Variants in TP53TG5 observed in about 807,000 individuals in gnomAD.
TP53TG5 encodes the protein TP53 target 5.
A neutral mutation model predicts 30.0 loss-of-function variants in TP53TG5; 17 were observed. The ratio of observed to expected loss-of-function variants is 0.57; its 90% CI spans 0.39 to 0.85. TP53TG5 has a LOEUF of 0.85. Ranked by LOEUF, TP53TG5 falls within the 40% of genes least tolerant of loss-of-function variation. TP53TG5 has a pLI of 0.00. For synonymous variants in TP53TG5, 137 were observed against 139.2 expected, an observed-to-expected ratio of 0.98 and a Z score of 0.11; for missense variants, 338 against 367.9, an observed-to-expected ratio of 0.92 and a Z score of 0.67.
At position 45,378,305 on chromosome 20, in the gene TP53TG5, A is replaced by C. The variant is rs564948950; in HGVS notation, c.-69T>G. The C allele has an allele frequency of 4.3e-6, 7 of 1,610,072 alleles. No homozygotes were observed. The African/African-American group carries it at 8.0e-5, about 18-fold the overall frequency. ...GCCAGGCACCAACCCTGTTCCTCTC[A>C]GTTCAGCCAGCACTCAGGCTGGGCA... On this transcript the variant is annotated 5_prime_UTR_variant, in exon 1 of 5. Coordinates refer to ENST00000372726, the MANE Select transcript of TP53TG5 (RefSeq NM_014477.3).
At chr20:45,374,447 T>A in intron 4 of TP53TG5, 1 of 571,652 alleles carries the variant, frequency 1.7e-6, no homozygotes, top group South Asian at 2.4e-5. Flanking sequence ...AATTTTTAAA[T>A]TTTTTGTAGA....
chr20:45,377,438 C>A (rs2231614), intron 2 of TP53TG5, 96 bp from the exon 3 acceptor site: 73 of 1,608,338 alleles, frequency 4.5e-5, no homozygotes, highest in Middle Eastern at 1.9e-4. Context: ...AGCCAAGGGC[C>A]GGCCTGCTGG....
chr20:45,373,528 G>C lies in TP53TG5; in HGVS notation c.*379C>G. 1 of 270,928 alleles carries C rather than the reference G, an allele frequency of 3.7e-6. No homozygotes were observed. Among genetic ancestry groups the C allele is most frequent in the South Asian group, 5.9e-5 (1 of 17,038 alleles). The allele number at this position is 270,928 out of a possible 1,614,324, so 16.8% of individuals were successfully genotyped here. The stretch of plus-strand genomic sequence containing the variant: ...TTCCCTTTCTTGGGAAAATGGAATG[G>C]GGAGCAACCAGGAGCCCTTGCTCCT... On this transcript the variant is annotated 3_prime_UTR_variant, in exon 5 of 5. Coordinates refer to ENST00000372726, the MANE Select transcript of TP53TG5 (RefSeq NM_014477.3).
intron 4 of TP53TG5, 144 bp from the exon 5 acceptor site, chr20:45,374,155 G>T: frequency 5.4e-6 from 4 of 734,708 alleles, no homozygotes; most frequent in South Asian, 4.6e-5. Flanking sequence ...CTCCCTTTAA[G>T]CTAGACCCGG....
At chr20:45,374,053 C>A in intron 4 of TP53TG5, 42 bp from the exon 5 acceptor site, 1 of 1,598,908 alleles carries the variant, frequency 6.3e-7, no homozygotes, top group South Asian at 1.1e-5. Flanking sequence ...AGACTGTCCC[C>A]AGGGGGCGCT....
Position 45,375,444 on chromosome 20 carries a change from A to C in TP53TG5, c.363T>G (p.Pro121=). 6.2e-7 allele frequency: 1 copy of C among 1,613,718 alleles called. No individual in the cohort carries two copies. The highest frequency in any genetic ancestry group is 8.5e-7 in the Non-Finnish European group (1 of 1,179,922). Residue 121 remains proline, a synonymous_variant, in exon 4 of 5, where the codon CCT becomes CCG. Transcript: ENST00000372726. ...KSKKLESTGD[P]KKKEYKEWKS... ...TCCACTCCTTGTACTCTTTTTTCTT[A>C]GGGTCCCCTGTGGACTCTAATTTCT... is the stretch of plus-strand genomic sequence containing the variant.
intron 3 of TP53TG5, chr20:45,376,683 G>A (rs563577540): frequency 6.6e-6 from 1 of 151,732 alleles, no homozygotes; most frequent in Non-Finnish European, 1.5e-5. Flanking sequence ...TACTTAGCAG[G>A]CACCAATCAA....
Position 45,373,525 on chromosome 20 carries a change from A to C in TP53TG5, c.*382T>G. 3.8e-6 allele frequency: 1 copy of C among 261,378 alleles called. No individual in the cohort carries two copies. The highest frequency in any genetic ancestry group is 7.5e-6 in the Non-Finnish European group (1 of 133,484). 16.2% of individuals were successfully genotyped at this position (261,378 alleles called of 1,614,324 possible). A position where few individuals can be genotyped will look rare whatever the true frequency, so the allele number is the denominator to read the frequency against. On this transcript the variant is annotated 3_prime_UTR_variant, in exon 5 of 5. Transcript: ENST00000372726. ...CTTTTCCCTTTCTTGGGAAAATGGA[A>C]TGGGGAGCAACCAGGAGCCCTTGCT...
Position 45,375,458 on chromosome 20 carries a change from A to G in TP53TG5, c.349T>C (p.Ser117Pro), listed in dbSNP as rs960085736. 6.2e-7 allele frequency: 1 copy of G among 1,612,856 alleles called. No individual in the cohort carries two copies. Among genetic ancestry groups the G allele is most frequent in the African/African-American group, 1.3e-5 (1 of 74,460 alleles). The change falls in exon 4 of 5, where the codon TCC becomes CCC. Residue 117 changes from serine to proline, a missense_variant. Ser to Pro is a moderately conservative substitution (Grantham distance 74). Transcript: ENST00000372726. Reference sequence around the variant, plus strand: ...TCTTTTTTCTTAGGGTCCCCTGTGGACTCTAATTTCTTGGACTTGAGTTCC... The same window carrying G: ...TCTTTTTTCTTAGGGTCCCCTGTGGGCTCTAATTTCTTGGACTTGAGTTCC... ...EKELKSKKLE[S>P]TGDPKKKEYK...
At chr20:45,374,935 C>T in intron 4 of TP53TG5, 104 bp downstream of exon 4, 1 of 1,474,862 alleles carries the variant, frequency 6.8e-7, no homozygotes, top group South Asian at 1.3e-5. Context: ...CAGCCACACA[C>T]CACTCAAGAC....
rs1165127706 is a variant in TP53TG5 at position 45,375,112 on chromosome 20, A to G, written c.695T>C (p.Leu232Pro). ...APRVMCRSST[L>P]RWVKRRCTRF... ...GGTGCAGCGGCGCTTGACCCAACGC[A>G]GGGTGGAGGATCTGCACATCACCCT... Residue 232 changes from leucine (L) to proline (P), a missense_variant, in exon 4 of 5, where the codon CTG (leucine) becomes CCG (proline). Physicochemically the swap from Leu to Pro is moderately conservative, Grantham distance 98 (BLOSUM62 -3). Coordinates refer to ENST00000372726, the MANE Select transcript of TP53TG5 (RefSeq NM_014477.3). The G allele has an allele frequency of 6.2e-7, 1 of 1,614,012 alleles. No individual in the cohort carries two copies. The highest frequency in any genetic ancestry group is 8.5e-7 in the Non-Finnish European group (1 of 1,180,052).
chr20:45,377,563 T>C lies in TP53TG5; in HGVS notation c.99A>G (p.Val33=). The change falls in exon 2 of 5, where the codon GTA becomes GTG. Residue 33 remains valine (V), a synonymous_variant. Transcript: ENST00000372726. ...CCGTTCTCAGACGGTTCCGCTCAAT[T>C]ACTTTGCTCACAGGCTGCTCTGTCT... ...RDETEQPVSK[V]IERNRLRTVL... The C allele has an allele frequency of 6.2e-7, 1 of 1,614,106 alleles. No individual in the cohort carries two copies. Among genetic ancestry groups the C allele is most frequent in the Non-Finnish European group, 8.5e-7 (1 of 1,180,012 alleles).
At chr20:45,377,059 G>T in intron 3 of TP53TG5, 153 bp downstream of exon 3, 1 of 973,006 alleles carries the variant, frequency 1.0e-6, no homozygotes, top group Non-Finnish European at 1.5e-6. Context: ...CACCTCTTCA[G>T]CCTCAGCTCT....
At position 45,373,152 on chromosome 20, in the gene TP53TG5, T is replaced by C. The variant is rs1259632314; in HGVS notation, c.*755A>G. On this transcript the variant is annotated 3_prime_UTR_variant, in exon 5 of 5. Transcript: ENST00000372726. Reference sequence around the variant, plus strand: ...CTTGGCTTTCCTCTCCCCAACGGCATGGTTAGGACCCTGTGACTCCTACCG... The same window carrying C: ...CTTGGCTTTCCTCTCCCCAACGGCACGGTTAGGACCCTGTGACTCCTACCG... The C allele has an allele frequency of 6.6e-6, 1 of 152,180 alleles. No homozygotes were observed. Among genetic ancestry groups the C allele is most frequent in the East Asian group, 1.9e-4 (1 of 5,172 alleles). The allele number at this position is 152,180 out of a possible 1,614,324, so 9.4% of individuals were successfully genotyped here.
chr20:45,374,646 TG>T (rs1988666684), intron 4 of TP53TG5: 2 of 429,956 alleles, frequency 4.7e-6, no homozygotes, highest in East Asian at 7.5e-5. Flanking sequence ...TTAGAGGGAA[TG>T]GGATGCAGCA....
chr20:45,375,464 A>G lies in TP53TG5; in HGVS notation c.343T>C (p.Leu115=). 1 of 1,613,826 alleles carries G rather than the reference A, an allele frequency of 6.2e-7. No individual in the cohort carries two copies. The highest frequency in any genetic ancestry group is 8.5e-7 in the Non-Finnish European group (1 of 1,179,972). ...TTCTTAGGGTCCCCTGTGGACTCTAATTTCTTGGACTTGAGTTCCTTCTCG... is the reference window on the plus strand; with the variant it reads ...TTCTTAGGGTCCCCTGTGGACTCTAGTTTCTTGGACTTGAGTTCCTTCTCG... ...CSEKELKSKK[L]ESTGDPKKKE... is the part of the protein sequence containing the mutation. Residue 115 remains leucine (L), a synonymous_variant, in exon 4 of 5, where the codon TTA becomes CTA. Transcript: ENST00000372726.
In TP53TG5 at chr20:45,373,895, AT is replaced by A. The variant is rs1988634343; in HGVS notation, c.*11del. On this transcript the variant is annotated 3_prime_UTR_variant, in exon 5 of 5. Transcript: ENST00000372726. ...GTAAGCAGTATTCGTCTTAGGTGCC[AT>A]ATGGAAGATCTTATTTGTAGACTCG... The A allele has an allele frequency of 6.2e-7, 1 of 1,611,372 alleles. No individual in the cohort carries two copies. The highest frequency in any genetic ancestry group is 1.7e-5 in the Admixed American group (1 of 59,998).
At position 45,374,937 on chromosome 20, in the gene TP53TG5, A is replaced by T. The variant is rs1988678040; in HGVS notation, c.768+102T>A. 3.4e-6 allele frequency: 5 copies of T among 1,483,038 alleles called. No individual in the cohort carries two copies. The South Asian group carries it at 6.5e-5, about 19-fold the overall frequency. 91.9% of individuals were successfully genotyped at this position (1,483,038 alleles called of 1,614,324 possible). A position where few individuals can be genotyped will look rare whatever the true frequency, so the allele number is the denominator to read the frequency against. ...CTCCCAGCACTACCAGCCACACACCACTCAAGACTCCAGATCCTGAACCCT... is the reference window on the plus strand; with the variant it reads ...CTCCCAGCACTACCAGCCACACACCTCTCAAGACTCCAGATCCTGAACCCT... On this transcript the variant is annotated intron_variant, in intron 4 of 4. Transcript: ENST00000372726.
intron 4 of TP53TG5, chr20:45,374,417 G>C (rs1215413999): frequency 6.8e-6 from 4 of 584,552 alleles, no homozygotes; most frequent in Admixed American, 3.2e-5. Flanking sequence ...TACTACAAGC[G>C]CAAGGCACCA....
Sources: allele counts gnomAD v4.1 joint callset, GRCh38; gene constraint gnomAD v4.1.1; transcripts MANE v1.5; gene names NCBI Gene and HGNC (gene_info 2026-07-23, HGNC 2026-07-21).